VPS13B: variants seen among roughly 807,000 people sequenced by gnomAD.
The protein encoded by VPS13B is intermembrane lipid transfer protein VPS13B.
Under a neutral mutation model 426.4 loss-of-function variants are expected in VPS13B, and 285 were observed. The observed-to-expected ratio is 0.67, with a 90% CI of 0.61 to 0.74. The LOEUF (loss-of-function observed/expected upper bound fraction) is 0.74, where lower values mean the gene tolerates loss of function less well. VPS13B is among the 30% of genes least tolerant of loss of function. The pLI is 0.00. For synonymous variants in VPS13B, 1,676 were observed against 1,676.4 expected (o/e 1.00, Z 0.01); for missense variants, 4,537 against 4,782.6 (o/e 0.95, Z 1.51).
At chr8:99,286,831 C>T (rs1819467936) in intron 19 of VPS13B, among the ~76,000 whole-genome samples, 1 of 152,000 alleles carries the variant, frequency 6.6e-6, no homozygotes, top group South Asian at 2.1e-4. Context: ...AGGTTTAGTG[C>T]ATGGTGGGAA....
intron 39 of VPS13B, among the ~76,000 whole-genome samples, chr8:99,757,879 A>C (rs567260134): frequency 1.3e-5 from 2 of 152,226 alleles, no homozygotes; most frequent in Non-Finnish European, 2.9e-5. Flanking sequence ...ATGTAATAAA[A>C]AAATATATAA....
chr8:99,314,557 C>T (rs997774109), intron 19 of VPS13B, among the ~76,000 whole-genome samples: 2 of 152,020 alleles, frequency 1.3e-5, no homozygotes, highest in African/African-American at 4.8e-5. Flanking sequence ...GAGTGATTGT[C>T]CTCCTACCTC....
At chr8:99,366,222 G>A (rs1229930561) in intron 19 of VPS13B, among the ~76,000 whole-genome samples, 3 of 151,628 alleles carry the variant, frequency 2.0e-5, no homozygotes, top group African/African-American at 4.8e-5. Flanking sequence ...ATTGTGTTGG[G>A]GTCTATCTTT....
Position 99,853,765 on chromosome 8 carries a change from T to C in VPS13B, c.10376T>C (p.Met3459Thr), listed in dbSNP as rs768868798. The change falls in exon 56 of 62, where the codon ATG (methionine) becomes ACG (threonine). Residue 3459 changes from methionine (M) to threonine (T), a missense_variant. By Grantham distance (81) the Met-to-Thr change is moderately conservative. Transcript: ENST00000357162. ...GCAGAACCCATTCAGTGTTCCAAAA[T>C]GCAGAGTCTCCTCATATCCAACAAA... ...EKAEPIQCSK[M>T]QSLLISNKEL... 3.7e-6 allele frequency: 6 copies of C among 1,614,236 alleles called. No individual in the cohort carries two copies. In the Admixed American group the frequency reaches 1.0e-4, roughly 27 times the overall value.
intron 43 of VPS13B, among the ~76,000 whole-genome samples, chr8:99,804,516 G>T (rs1813291716): frequency 1.3e-5 from 2 of 152,264 alleles, no homozygotes; most frequent in South Asian, 4.1e-4. Context: ...GCAGTCTCTG[G>T]CCCCAGGAGG....
chr8:99,144,377 T>TGGTCTCCGG (rs201155272), intron 13 of VPS13B, among the ~76,000 whole-genome samples: 4,974 of 151,314 alleles, frequency 0.033, 123 homozygotes, highest in Non-Finnish European at 0.049. Context: ...TACATGGCTG[T>TGGTCTCCGG]GGTCTCCGGG....
chr8:99,110,292 T>G (rs945445642), intron 5 of VPS13B, among the ~76,000 whole-genome samples: 1 of 152,106 alleles, frequency 6.6e-6, no homozygotes, highest in Non-Finnish European at 1.5e-5. Flanking sequence ...GCAAGTAGAT[T>G]TGGGCCTGAT....
intron 19 of VPS13B, among the ~76,000 whole-genome samples, chr8:99,369,081 A>T (rs1813038358): frequency 6.6e-6 from 1 of 152,062 alleles, no homozygotes; most frequent in Non-Finnish European, 1.5e-5. Flanking sequence ...TTTCATTGTG[A>T]GGCATGTTAA....
chr8:99,300,409 T>A (rs147345502), intron 19 of VPS13B, among the ~76,000 whole-genome samples: 1 of 152,330 alleles, frequency 6.6e-6, no homozygotes, highest in African/African-American at 2.4e-5. Flanking sequence ...AAAGCATTGG[T>A]TGTAAATACT....
intron 2 of VPS13B, among the ~76,000 whole-genome samples, chr8:99,021,081 TC>T (rs1473351625): frequency 6.6e-6 from 1 of 152,230 alleles, no homozygotes; most frequent in African/African-American, 2.4e-5. Context: ...GCAAACTGTG[TC>T]CTGGGCCTGC....
chr8:99,048,567 C>A (rs1843351107), intron 3 of VPS13B, among the ~76,000 whole-genome samples: 1 of 152,024 alleles, frequency 6.6e-6, no homozygotes, highest in Non-Finnish European at 1.5e-5. Flanking sequence ...GTAATCCCAG[C>A]ACTTTGGGAG....
chr8:99,871,028 G>C (rs1159374145), intron 60 of VPS13B, 141 bp downstream of exon 60: 3 of 831,296 alleles, frequency 3.6e-6, no homozygotes, highest in East Asian at 2.7e-5. Context: ...GGCAGCACAA[G>C]AGCACTGTAG....
chr8:99,129,092 C>T (rs1809607014), intron 8 of VPS13B, among the ~76,000 whole-genome samples: 1 of 152,022 alleles, frequency 6.6e-6, no homozygotes, highest in Admixed American at 6.5e-5. Context: ...AAGTTTGTGT[C>T]ATAGCTTGAT....
chr8:99,301,103 T>C (rs1820339971), intron 19 of VPS13B, among the ~76,000 whole-genome samples: 1 of 151,768 alleles, frequency 6.6e-6, no homozygotes, highest in Admixed American at 6.6e-5. Flanking sequence ...AAGTCCCAGC[T>C]ACTTGGAAGG....
intron 16 of VPS13B, among the ~76,000 whole-genome samples, chr8:99,178,963 A>C (rs529265982): frequency 6.6e-6 from 1 of 152,006 alleles, no homozygotes; most frequent in Non-Finnish European, 1.5e-5. Flanking sequence ...TATTAATAGC[A>C]TGTTGATTAA....
At chr8:99,852,962 T>C (rs529052566) in intron 55 of VPS13B, among the ~76,000 whole-genome samples, 66 of 152,104 alleles carry the variant, frequency 4.3e-4, no homozygotes, top group Non-Finnish European at 6.3e-4. Flanking sequence ...GGGGTTCACC[T>C]GAGACAGAAG....
At chr8:99,375,329 T>C (rs1813423331) in intron 19 of VPS13B, among the ~76,000 whole-genome samples, 1 of 152,250 alleles carries the variant, frequency 6.6e-6, no homozygotes, top group African/African-American at 2.4e-5. Context: ...ATAGTTTTTA[T>C]TCATTGGATT....
At chr8:99,731,073 G>A (rs1833579993) in intron 39 of VPS13B, among the ~76,000 whole-genome samples, 1 of 152,198 alleles carries the variant, frequency 6.6e-6, no homozygotes, top group African/African-American at 2.4e-5. Context: ...ACTGGATAGA[G>A]AGGGCAGAAC....
At chr8:99,739,509 A>G (rs1833978643) in intron 39 of VPS13B, among the ~76,000 whole-genome samples, 2 of 152,322 alleles carry the variant, frequency 1.3e-5, no homozygotes, top group African/African-American at 2.4e-5. Flanking sequence ...ATATCTGAGA[A>G]TGGACAGACT....
Sources: allele counts gnomAD v4.1 joint callset (sites outside exome capture counted in the v4.1 genomes callset), GRCh38; gene constraint gnomAD v4.1.1; transcripts MANE v1.5; gene names NCBI Gene and HGNC (gene_info 2026-07-23, HGNC 2026-07-21).